Variants in ACSM3 observed in about 807,000 individuals in gnomAD.
The protein encoded by ACSM3 is acyl-coenzyme A synthetase ACSM3, mitochondrial.
Under a neutral mutation model 74.1 loss-of-function variants are expected in ACSM3, and 61 were observed. The ratio of observed to expected loss-of-function variants is 0.82; its 90% CI spans 0.67 to 1.02. The LOEUF (loss-of-function observed/expected upper bound fraction) is 1.02, where lower values mean the gene tolerates loss of function less well. Among genes scored for constraint, ACSM3 ranks in the 50% least tolerant of loss-of-function variants. The probability of loss-of-function intolerance (pLI) is 0.00; values close to 1 mark genes in which losing one functional copy is unlikely to be tolerated. For missense variants in ACSM3, 660 were observed against 697.0 expected (o/e 0.95, Z 0.60); for synonymous variants, 213 against 241.5 (o/e 0.88, Z 1.09).
chr16:20,701,428 A>C (rs1483677424), intron 1 of ACSM3, among the ~76,000 whole-genome samples: 1 of 152,202 alleles, frequency 6.6e-6, no homozygotes, highest in Non-Finnish European at 1.5e-5. Context: ...TTCGGAAGAC[A>C]CTTGACAATG....
chr16:20,678,668 T>G (rs1392786268), intron 1 of ACSM3, among the ~76,000 whole-genome samples: 1 of 152,188 alleles, frequency 6.6e-6, no homozygotes, highest in African/African-American at 2.4e-5. Flanking sequence ...TGGACCAACA[T>G]TTGTGGCTGA....
At chr16:20,756,931 G>T (rs2080036239) in intron 3 of ACSM3, among the ~76,000 whole-genome samples, 1 of 152,034 alleles carries the variant, frequency 6.6e-6, no homozygotes, top group East Asian at 1.9e-4. Flanking sequence ...GTTTGTCAAA[G>T]ATCAGATAGT....
upstream of ACSM3, among the ~76,000 whole-genome samples, chr16:20,760,417 T>C (rs1055735125): frequency 6.6e-6 from 1 of 152,210 alleles, no homozygotes; most frequent in African/African-American, 2.4e-5. Flanking sequence ...CTAAAGGCTT[T>C]CCTACTTTTA....
intron 9 of ACSM3, chr16:20,786,373 A>G: frequency 1.0e-6 from 1 of 978,798 alleles, no homozygotes; most frequent in East Asian, 3.2e-5. Context: ...TACAGTTCTA[A>G]GCATTTAATA....
intron 1 of ACSM3, among the ~76,000 whole-genome samples, chr16:20,712,605 TA>T (rs138126859): frequency 2.7e-5 from 4 of 149,770 alleles, no homozygotes; most frequent in Admixed American, 6.7e-5. Context: ...AGCTTATGTT[TA>T]AAAAAAAAAT....
At chr16:20,687,946 A>G (rs977640705) in intron 1 of ACSM3, among the ~76,000 whole-genome samples, 1 of 151,994 alleles carries the variant, frequency 6.6e-6, no homozygotes. Context: ...TAAGCCAGGC[A>G]TAGTTGCATG....
intron 12 of ACSM3, among the ~76,000 whole-genome samples, chr16:20,792,918 G>A (rs1022831071): frequency 2.6e-5 from 4 of 152,110 alleles, no homozygotes; most frequent in Admixed American, 6.5e-5. Context: ...AGCCTCCTGC[G>A]TTTTGCCTGT....
At chr16:20,759,008 T>C (rs1432774726) in intron 3 of ACSM3, among the ~76,000 whole-genome samples, 1 of 152,174 alleles carries the variant, frequency 6.6e-6, no homozygotes, top group Non-Finnish European at 1.5e-5. Flanking sequence ...TTTGTTATAA[T>C]TTCTGTTCTT....
intron 1 of ACSM3, among the ~76,000 whole-genome samples, chr16:20,746,816 C>A (rs912100826): frequency 2.0e-5 from 3 of 152,204 alleles, no homozygotes; most frequent in Admixed American, 6.5e-5. Context: ...TAATTCATTT[C>A]ATTCCACCAG....
intron 1 of ACSM3, among the ~76,000 whole-genome samples, chr16:20,728,664 A>G (rs1432745670): frequency 1.3e-5 from 2 of 151,752 alleles, no homozygotes; most frequent in African/African-American, 4.8e-5. Flanking sequence ...TCCAAATGTA[A>G]CAAACTGGTT....
At chr16:20,742,083 C>T in intron 1 of ACSM3, 1 of 1,310,784 alleles carries the variant, frequency 7.6e-7, no homozygotes, top group Non-Finnish European at 9.8e-7. Flanking sequence ...GTACCTGTTC[C>T]TCCAGCCTTC....
intron 1 of ACSM3, chr16:20,681,303 G>A (rs2152308010): frequency 6.6e-6 from 1 of 152,362 alleles, no homozygotes; most frequent in East Asian, 1.9e-4. Flanking sequence ...GGAAGAGTAT[G>A]TGGAAAATTT....
rs1473881660 is a variant in ACSM3 at position 20,743,195 on chromosome 16, C to T, written c.-189-6715C>T. ...CCTCGTGATCCACCCGCCTCGGCCT[C>T]CCAAAGTGCTGAGATTACAGGCGTG... is the stretch of plus-strand genomic sequence containing the variant. On this transcript the variant is annotated intron_variant, in intron 1 of 3. Coordinates refer to the ACSM3 transcript ENST00000561584. Among the ~76,000 whole-genome samples, 4 of 152,248 alleles carry T rather than the reference C, an allele frequency of 2.6e-5. No individual in the cohort carries two copies. The East Asian group carries it at 7.7e-4, about 29-fold the overall frequency.
chr16:20,791,854 G>A, intron 10 of ACSM3, 148 bp from the exon 11 acceptor site: 1 of 804,714 alleles, frequency 1.2e-6, no homozygotes, highest in South Asian at 1.8e-5. Flanking sequence ...CTTGAACCTG[G>A]GAGGCAGAGG....
chr16:20,738,463 T>C (rs767403703), intron 1 of ACSM3, among the ~76,000 whole-genome samples: 5 of 152,200 alleles, frequency 3.3e-5, no homozygotes, highest in Non-Finnish European at 7.3e-5. Context: ...AGGCTGCAAC[T>C]TGCCTACATA....
chr16:20,787,187 A>G (rs558265493), intron 9 of ACSM3, among the ~76,000 whole-genome samples: 1 of 152,380 alleles, frequency 6.6e-6, no homozygotes, highest in South Asian at 2.1e-4. Context: ...GTTATGTCCC[A>G]AAATAATAAG....
chr16:20,727,471 AT>A, intron 1 of ACSM3: 2 of 439,720 alleles, frequency 4.5e-6, no homozygotes, highest in Middle Eastern at 3.8e-4. Flanking sequence ...GAAGTGGTAT[AT>A]TTAAAGGGCA....
rs545664454 is a variant in ACSM3 at position 20,777,434 on chromosome 16, A to G, written c.492A>G (p.Gln164=). The G allele has an allele frequency of 3.7e-6, 6 of 1,614,088 alleles. No homozygotes were observed. The African/African-American group carries it at 6.7e-5, about 18-fold the overall frequency. ...LTQKDILYRL[Q]SSKANCIITN... The stretch of plus-strand genomic sequence containing the variant: ...AGAAAGACATTCTCTACAGACTACA[A>G]TCTTCAAAAGCAAACTGCATTATCA... Residue 164 remains glutamine, a synonymous_variant, in exon 4 of 14, where the codon CAA becomes CAG. Coordinates refer to ENST00000289416, the MANE Select transcript of ACSM3 (RefSeq NM_005622.4).
chr16:20,742,792 A>AATATATATATATAT (rs1216173827), intron 1 of ACSM3, among the ~76,000 whole-genome samples: 74 of 136,408 alleles, frequency 5.4e-4, no homozygotes, highest in East Asian at 5.2e-3. Context: ...GGTGCGTGTA[A>AATATATATATATAT]ATATATATAT....
Sources: allele counts gnomAD v4.1 joint callset (sites outside exome capture counted in the v4.1 genomes callset), GRCh38; gene constraint gnomAD v4.1.1; transcripts MANE v1.5; gene names NCBI Gene and HGNC (gene_info 2026-07-23, HGNC 2026-07-21).